SOX6: variants seen among roughly 807,000 people sequenced by gnomAD.
SOX6 encodes SRY-box transcription factor 6.
In SOX6, 11 loss-of-function variants were observed where a neutral mutation model predicts 97.8. The ratio of observed to expected loss-of-function variants is 0.11; its 90% confidence interval spans 0.07 to 0.19. SOX6 has a LOEUF of 0.19. Among genes scored for constraint, SOX6 ranks in the 10% least tolerant of loss-of-function variants. The pLI is 1.00. For synonymous variants in SOX6, 360 were observed against 371.4 expected, an observed-to-expected ratio of 0.97 and a Z score of 0.35; for missense variants, 810 against 1,039.5, an observed-to-expected ratio of 0.78 and a Z score of 3.04.
intron 4 of SOX6, among the ~76,000 whole-genome samples, chr11:16,530,951 A>G (rs1389714738): frequency 6.8e-6 from 1 of 148,070 alleles, no homozygotes; most frequent in East Asian, 1.9e-4. Flanking sequence ...GAATGTAAAT[A>G]TATTATATAT....
At chr11:16,148,416 C>T (rs771549839) in intron 6 of SOX6, among the ~76,000 whole-genome samples, 11 of 152,084 alleles carry the variant, frequency 7.2e-5, no homozygotes, top group Non-Finnish European at 1.6e-4. Context: ...AACTTTATTG[C>T]AGGCACATGA....
At chr11:16,614,561 A>C (rs1005370287) in intron 3 of SOX6, among the ~76,000 whole-genome samples, 1 of 152,172 alleles carries the variant, frequency 6.6e-6, no homozygotes, top group African/African-American at 2.4e-5. Flanking sequence ...TCCTACCCCT[A>C]TGGAAGCCTT....
At chr11:16,396,406 A>G (rs940310209) in intron 1 of SOX6, among the ~76,000 whole-genome samples, 1 of 151,738 alleles carries the variant, frequency 6.6e-6, no homozygotes, top group East Asian at 1.9e-4. Flanking sequence ...AAATACACAC[A>G]CACAAACACA....
At chr11:16,685,873 G>C (rs1262916530) in intron 3 of SOX6, among the ~76,000 whole-genome samples, 2 of 152,272 alleles carry the variant, frequency 1.3e-5, no homozygotes, top group Admixed American at 6.5e-5. Flanking sequence ...CTGAAATCTT[G>C]GTGGAGGCTG....
chr11:16,540,895 C>T (rs1386488734), intron 4 of SOX6, among the ~76,000 whole-genome samples: 5 of 152,106 alleles, frequency 3.3e-5, no homozygotes, highest in Admixed American at 1.3e-4. Flanking sequence ...GGCCATACTG[C>T]CCAAGGTAAT....
At chr11:16,227,500 C>A (rs1286485188) in intron 4 of SOX6, among the ~76,000 whole-genome samples, 1 of 151,912 alleles carries the variant, frequency 6.6e-6, no homozygotes, top group Non-Finnish European at 1.5e-5. Context: ...GTGGTGCAAT[C>A]ACAGTCTCAA....
At chr11:16,161,092 C>T (rs981110285) in intron 6 of SOX6, among the ~76,000 whole-genome samples, 30 of 151,982 alleles carry the variant, frequency 2.0e-4, no homozygotes, top group African/African-American at 7.0e-4. Flanking sequence ...GGAGCATTTG[C>T]CAGTTTCCAT....
chr11:16,225,478 CAAA>C (rs11307642), intron 4 of SOX6, among the ~76,000 whole-genome samples: 6 of 127,996 alleles, frequency 4.7e-5, no homozygotes, highest in African/African-American at 1.2e-4. Flanking sequence ...AATTGCTATT[CAAA>C]AAAAAAAAAA....
chr11:16,702,819 A>G (rs1192838895), intron 3 of SOX6, among the ~76,000 whole-genome samples: 4 of 151,976 alleles, frequency 2.6e-5, no homozygotes, highest in Admixed American at 6.6e-5. Context: ...TTTATGAACA[A>G]GGAAAGAAAA....
At chr11:16,387,039 C>T (rs1565125270) in intron 1 of SOX6, among the ~76,000 whole-genome samples, 1 of 152,064 alleles carries the variant, frequency 6.6e-6, no homozygotes, top group Non-Finnish European at 1.5e-5. Flanking sequence ...CGTAAACATC[C>T]CTCACAGATT....
chr11:16,316,365 C>A (rs1033872163), intron 3 of SOX6: 1 of 150,954 alleles, frequency 6.6e-6, no homozygotes, highest in Non-Finnish European at 1.5e-5. Context: ...TTAATATCTG[C>A]ATTTAATATA....
upstream of SOX6, among the ~76,000 whole-genome samples, chr11:16,479,373 T>C (rs936530892): frequency 1.3e-5 from 2 of 151,768 alleles, no homozygotes; most frequent in Non-Finnish European, 2.9e-5. Flanking sequence ...CTACTAAGAA[T>C]ACAAAAATCA....
At chr11:16,307,673 C>T (rs542351401) in intron 3 of SOX6, among the ~76,000 whole-genome samples, 3 of 152,138 alleles carry the variant, frequency 2.0e-5, no homozygotes, top group Non-Finnish European at 4.4e-5. Context: ...TCTTTAAAAA[C>T]TGCCCTTTGA....
intron 9 of SOX6, among the ~76,000 whole-genome samples, chr11:16,075,247 T>G (rs1328128935): frequency 6.6e-6 from 1 of 152,106 alleles, no homozygotes; most frequent in African/African-American, 2.4e-5. Context: ...AAAAAGAGGT[T>G]TAATAAGACT....
intron 12 of SOX6, among the ~76,000 whole-genome samples, chr11:16,027,503 G>A (rs1855245742): frequency 1.3e-5 from 2 of 152,164 alleles, no homozygotes; most frequent in African/African-American, 4.8e-5. Flanking sequence ...CGGGACAAGA[G>A]CCTGCTTTAG....
chr11:15,997,948 C>T (rs113715282), intron 13 of SOX6, among the ~76,000 whole-genome samples: 11,299 of 151,824 alleles, frequency 0.074, 869 homozygotes, highest in East Asian at 0.36. Context: ...GGCATGGTGG[C>T]GTGTGCCTGT....
intron 4 of SOX6, among the ~76,000 whole-genome samples, chr11:16,583,636 T>TATATAC (rs1385821722): frequency 1.3e-4 from 11 of 87,114 alleles, no homozygotes; most frequent in East Asian, 5.6e-4. Flanking sequence ...TATATATATA[T>TATATAC]ACACATACAC....
intron 9 of SOX6, among the ~76,000 whole-genome samples, chr11:16,078,654 A>T (rs1029997071): frequency 6.6e-6 from 1 of 152,156 alleles, no homozygotes; most frequent in African/African-American, 2.4e-5. Context: ...ACAGATAAGC[A>T]TATAGATATG....
intron 1 of SOX6, among the ~76,000 whole-genome samples, chr11:16,368,587 T>C (rs1590164170): frequency 6.6e-6 from 1 of 152,170 alleles, no homozygotes; most frequent in East Asian, 1.9e-4. Flanking sequence ...ACCCTTATCT[T>C]ATGCTTATTT....
Sources: allele counts gnomAD v4.1 joint callset (sites outside exome capture counted in the v4.1 genomes callset), GRCh38; gene constraint gnomAD v4.1.1; transcripts MANE v1.5; gene names NCBI Gene and HGNC (gene_info 2026-07-23, HGNC 2026-07-21).